Variants in LHFPL4 observed in about 807,000 individuals in gnomAD.
The protein encoded by LHFPL4 is LHFPL tetraspan subfamily member 4 protein.
Under a neutral mutation model 20.0 loss-of-function variants are expected in LHFPL4, and 6 were observed. The ratio of observed to expected loss-of-function variants is 0.30; its 90% CI spans 0.16 to 0.59. The LOEUF is 0.59. Ranked by LOEUF, LHFPL4 falls within the 20% of genes least tolerant of loss-of-function variation. LHFPL4 has a pLI of 0.88. For synonymous variants in LHFPL4, 129 were observed against 143.8 expected (o/e 0.90, Z 0.74); for missense variants, 215 against 331.2 (o/e 0.65, Z 2.72).
At chr3:9,534,727 G>T (rs2046434955) in intron 2 of LHFPL4, among the ~76,000 whole-genome samples, 3 of 152,216 alleles carry the variant, frequency 2.0e-5, no homozygotes, top group Admixed American at 2.0e-4. Context: ...CATTCACTTG[G>T]AATGAAATAA....
At chr3:9,541,524 C>A (rs1426017038) in intron 2 of LHFPL4, among the ~76,000 whole-genome samples, 1 of 152,128 alleles carries the variant, frequency 6.6e-6, no homozygotes, top group Admixed American at 6.5e-5. Context: ...GTAATCCCAG[C>A]ACTTTGGGAG....
intron 2 of LHFPL4, among the ~76,000 whole-genome samples, chr3:9,530,486 G>A (rs2046402151): frequency 6.6e-6 from 1 of 152,142 alleles, no homozygotes; most frequent in African/African-American, 2.4e-5. Context: ...ACAGAGTTAG[G>A]GCCTTGCTCT....
chr3:9,550,028 G>A (rs1183819735), intron 2 of LHFPL4, among the ~76,000 whole-genome samples: 1 of 152,056 alleles, frequency 6.6e-6, no homozygotes, highest in African/African-American at 2.4e-5. Context: ...CACCATGCCT[G>A]GCCAAGAGAT....
chr3:9,514,189 C>G (rs1439363361), intron 2 of LHFPL4, among the ~76,000 whole-genome samples: 4 of 152,062 alleles, frequency 2.6e-5, no homozygotes, highest in Non-Finnish European at 4.4e-5. Flanking sequence ...TGCCTGTAAT[C>G]CCAGTACTTT....
intron 2 of LHFPL4, among the ~76,000 whole-genome samples, chr3:9,535,989 G>T (rs1468380865): frequency 1.3e-5 from 2 of 152,018 alleles, no homozygotes; most frequent in East Asian, 3.9e-4. Flanking sequence ...TTTTTAGAGA[G>T]GGGGTTTCAT....
chr3:9,535,042 TA>T (rs1231490718), intron 2 of LHFPL4, among the ~76,000 whole-genome samples: 1 of 152,130 alleles, frequency 6.6e-6, no homozygotes, highest in Non-Finnish European at 1.5e-5. Context: ...CAAAAACTCC[TA>T]CTATATCGAT....
chr3:9,542,653 A>T (rs919647439), intron 2 of LHFPL4, among the ~76,000 whole-genome samples: 37 of 151,874 alleles, frequency 2.4e-4, no homozygotes, highest in Admixed American at 1.5e-3. Context: ...CCAAAGTTTT[A>T]AAAAAATTAG....
At chr3:9,537,322 C>T (rs2648409) in intron 2 of LHFPL4, among the ~76,000 whole-genome samples, 22,796 of 152,070 alleles carry the variant, frequency 0.15, 2,648 homozygotes, top group East Asian at 0.39. Context: ...AGTCTCAACT[C>T]GTGGTTCCAG....
intron 2 of LHFPL4, among the ~76,000 whole-genome samples, chr3:9,546,120 C>G (rs2046510610): frequency 6.6e-6 from 1 of 151,902 alleles, no homozygotes; most frequent in South Asian, 2.1e-4. Flanking sequence ...TCGAGACCAG[C>G]CTGGCCAACA....
intron 2 of LHFPL4, among the ~76,000 whole-genome samples, chr3:9,527,510 A>C (rs2046383057): frequency 6.6e-6 from 1 of 152,034 alleles, no homozygotes; most frequent in Admixed American, 6.6e-5. Context: ...TGAGCCCAGG[A>C]GTCAAAATCA....
chr3:9,522,591 A>G (rs1051773871), intron 2 of LHFPL4, among the ~76,000 whole-genome samples: 1 of 151,568 alleles, frequency 6.6e-6, no homozygotes, highest in African/African-American at 2.4e-5. Flanking sequence ...AAAAGCAAAA[A>G]TTAGCCAGGC....
chr3:9,539,974 G>T (rs906432053), intron 2 of LHFPL4, among the ~76,000 whole-genome samples: 3 of 152,170 alleles, frequency 2.0e-5, no homozygotes, highest in Non-Finnish European at 4.4e-5. Context: ...GGACATGGAG[G>T]AACAGGTACT....
chr3:9,510,280 C>T (rs1266065236), intron 2 of LHFPL4, among the ~76,000 whole-genome samples: 1 of 151,720 alleles, frequency 6.6e-6, no homozygotes, highest in African/African-American at 2.4e-5. Flanking sequence ...GGTGAAAACA[C>T]GGTGAAAAGC....
At chr3:9,534,026 CA>C (rs1284570444) in intron 2 of LHFPL4, among the ~76,000 whole-genome samples, 1 of 151,400 alleles carries the variant, frequency 6.6e-6, no homozygotes, top group Non-Finnish European at 1.5e-5. Context: ...CCAGCCTGGG[CA>C]ACGTGGCGAA....
At chr3:9,526,098 C>G (rs374743812) in intron 2 of LHFPL4, among the ~76,000 whole-genome samples, 11 of 152,268 alleles carry the variant, frequency 7.2e-5, no homozygotes, top group African/African-American at 2.6e-4. Context: ...CCTGAAGACA[C>G]TTTGCTAGGT....
At chr3:9,540,304 G>C (rs893133423) in intron 2 of LHFPL4, among the ~76,000 whole-genome samples, 10 of 152,282 alleles carry the variant, frequency 6.6e-5, no homozygotes, top group African/African-American at 1.9e-4. Flanking sequence ...GAGTGAAAAA[G>C]CAAGCCACAG....
chr3:9,535,654 C>T lies in LHFPL4; in HGVS notation c.406+16620G>A, dbSNP rs1007695476. On this transcript the variant is annotated intron_variant, in intron 2 of 3. Coordinates refer to ENST00000287585, the MANE Select transcript of LHFPL4 (RefSeq NM_198560.3). Reference sequence around the variant, plus strand: ...GAATACACAGCCAGCTGTTTGTGTCCGCTGACAGTCCCTCCTTCAATTTAG... The same window carrying T: ...GAATACACAGCCAGCTGTTTGTGTCTGCTGACAGTCCCTCCTTCAATTTAG... Among the ~76,000 whole-genome samples, 4 of 152,106 alleles carry T rather than the reference C, an allele frequency of 2.6e-5. No individual in the cohort carries two copies. In the South Asian group the frequency reaches 6.2e-4, roughly 24 times the overall value.
chr3:9,504,383 A>T (rs1421120335), intron 3 of LHFPL4, among the ~76,000 whole-genome samples: 1 of 147,844 alleles, frequency 6.8e-6, no homozygotes, highest in Admixed American at 7.0e-5. Context: ...GTCTCAAGGA[A>T]AAAAAAAAAA....
At chr3:9,546,370 ACT>A (rs2046513037) in intron 2 of LHFPL4, among the ~76,000 whole-genome samples, 3 of 151,526 alleles carry the variant, frequency 2.0e-5, no homozygotes, top group African/African-American at 7.3e-5. Context: ...GCTGAAAGGT[ACT>A]CACTTCTAGA....
Sources: gnomAD v4.1 joint callset for allele counts (sites outside exome capture counted in the v4.1 genomes callset) on GRCh38, gnomAD v4.1.1 for gene constraint, MANE v1.5 for transcripts, NCBI Gene and HGNC (gene_info 2026-07-23, HGNC 2026-07-21) for gene names.